The following SRGAP2B variants were observed in gnomAD, a reference collection of about 807,000 sequenced individuals.
SRGAP2B encodes SLIT-ROBO Rho GTPase activating protein 2B.
A neutral mutation model predicts 22.2 loss-of-function variants in SRGAP2B; 9 were observed. That is an observed-to-expected ratio of 0.41 (90% confidence interval 0.24 to 0.71). SRGAP2B has a LOEUF of 0.71. Ranked by LOEUF, SRGAP2B falls within the 30% of genes least tolerant of loss-of-function variation. The pLI, the probability that SRGAP2B is intolerant of heterozygous loss-of-function variation, is 0.35. For synonymous variants in SRGAP2B, 36 were observed against 87.4 expected (o/e 0.41, Z 3.28); for missense variants, 114 against 235.8 (o/e 0.48, Z 3.38).
chr1:144,966,132 T>C (rs1329086893), intron 3 of SRGAP2B, among the ~76,000 whole-genome samples: 1 of 147,750 alleles, frequency 6.8e-6, no homozygotes, highest in Non-Finnish European at 1.5e-5. Flanking sequence ...ATTCAGGAAA[T>C]ACAGAGAACG....
intron 3 of SRGAP2B, among the ~76,000 whole-genome samples, chr1:144,975,745 G>T (rs1358816534): frequency 6.7e-6 from 1 of 149,690 alleles, no homozygotes; most frequent in Non-Finnish European, 1.5e-5. Context: ...AGGAAAGAAA[G>T]AACTAGTCAG....
At chr1:145,088,416 A>C (rs587654194) in intron 2 of SRGAP2B, among the ~76,000 whole-genome samples, 1 of 136,232 alleles carries the variant, frequency 7.3e-6, no homozygotes, top group African/African-American at 2.8e-5. Context: ...TTTCGCTTCC[A>C]GCTCTGTGGT....
At chr1:144,975,352 T>A (rs1668817001) in intron 3 of SRGAP2B, among the ~76,000 whole-genome samples, 1 of 149,290 alleles carries the variant, frequency 6.7e-6, no homozygotes, top group Non-Finnish European at 1.5e-5. Flanking sequence ...CATGTTGAAA[T>A]TTGATTGCAA....
In SRGAP2B at chr1:144,971,674, G is replaced by A. The variant is rs587642042; in HGVS notation, c.261-16073C>T. Among the ~76,000 whole-genome samples the A allele has an allele frequency of 7.9e-5, 12 of 150,958 alleles. 1 individual carries two copies. Among genetic ancestry groups the A allele is most frequent in the African/African-American group, 3.0e-4 (12 of 40,460 alleles). ...ACTCAGTGAATCTTCTGTGCCTAAT[G>A]TAGCTGAGACTTTAAACGAAAGAAT... On this transcript the variant is annotated intron_variant, in intron 3 of 9. Transcript: ENST00000612199.
At chr1:145,068,957 A>G (rs1467034478) in intron 2 of SRGAP2B, among the ~76,000 whole-genome samples, 7 of 146,166 alleles carry the variant, frequency 4.8e-5, no homozygotes, top group African/African-American at 1.8e-4. Context: ...GTATGTGTAT[A>G]TATATATCTC....
chr1:144,912,095 C>A (rs1356272071), intron 5 of SRGAP2B, among the ~76,000 whole-genome samples: 1 of 148,674 alleles, frequency 6.7e-6, no homozygotes, highest in Admixed American at 6.6e-5. Context: ...GGACTACAGG[C>A]ACCCGCCACC....
At chr1:145,007,318 G>A (rs1471818312) in intron 2 of SRGAP2B, among the ~76,000 whole-genome samples, 1 of 149,682 alleles carries the variant, frequency 6.7e-6, no homozygotes, top group Non-Finnish European at 1.5e-5. Flanking sequence ...GGCCTCATGT[G>A]GTTGTCTGTC....
Position 145,006,307 on chromosome 1 carries a change from C to A in SRGAP2B, c.68-11107G>T, listed in dbSNP as rs1277835605. Among the ~76,000 whole-genome samples, 4 of 150,916 alleles carry A rather than the reference C, an allele frequency of 2.7e-5. No homozygotes were observed. The East Asian group carries it at 7.7e-4, about 29-fold the overall frequency. On this transcript the variant is annotated intron_variant, in intron 2 of 9. Coordinates refer to ENST00000612199, the Ensembl canonical transcript of SRGAP2B. ...GGACTGTTCAGAGATGCAGTAGCTT[C>A]ACATAGTTACATGAAGATGTCCCAC... is the stretch of plus-strand genomic sequence containing the variant.
intron 4 of SRGAP2B, among the ~76,000 whole-genome samples, chr1:144,943,598 C>A: frequency 1.9e-5 from 2 of 105,188 alleles, no homozygotes; most frequent in African/African-American, 8.5e-5. Flanking sequence ...GAAGAGAAGG[C>A]AGAGGGGAGA....
chr1:145,001,921 C>A (rs1288661883), intron 2 of SRGAP2B, among the ~76,000 whole-genome samples: 2 of 147,992 alleles, frequency 1.4e-5, no homozygotes, highest in Non-Finnish European at 3.0e-5. Context: ...ACTTGGGAGG[C>A]TGAGGTGGGA....
At chr1:144,902,711 G>A (rs1346827878) in intron 7 of SRGAP2B, among the ~76,000 whole-genome samples, 4 of 144,256 alleles carry the variant, frequency 2.8e-5, no homozygotes, top group Admixed American at 7.0e-5. Flanking sequence ...GCAGTGAGCC[G>A]AGATCGCACC....
At chr1:144,975,103 C>T (rs1325661818) in intron 3 of SRGAP2B, among the ~76,000 whole-genome samples, 1 of 149,360 alleles carries the variant, frequency 6.7e-6, no homozygotes, top group Non-Finnish European at 1.5e-5. Flanking sequence ...TCTGCTAAAG[C>T]CCTGACTTAA....
intron 2 of SRGAP2B, among the ~76,000 whole-genome samples, chr1:144,997,257 T>C (rs1553618610): frequency 6.6e-6 from 1 of 150,430 alleles, no homozygotes; most frequent in Non-Finnish European, 1.5e-5. Flanking sequence ...TGAAACCCTG[T>C]CTCTACTAAA....
At chr1:144,889,200 C>G (rs1387790316) in exon 10 of SRGAP2B, 8 of 149,340 alleles carry the variant, frequency 5.4e-5, no homozygotes, top group Non-Finnish European at 1.0e-4. Flanking sequence ...AGAGACCCAC[C>G]CGCCTCAGGC....
Position 144,970,739 on chromosome 1 carries a change from T to C in SRGAP2B, c.261-15138A>G, listed in dbSNP as rs1668448562. On this transcript the variant is annotated intron_variant, in intron 3 of 9. Coordinates refer to ENST00000612199, the Ensembl canonical transcript of SRGAP2B. ...TTACCAGTTGGTTCTTTATTAGTAC[T>C]CCTGATGTCTTAAACAAAAATGAAT... Among the ~76,000 whole-genome samples the C allele has an allele frequency of 4.0e-5, 6 of 149,446 alleles. No homozygotes were observed. The South Asian group carries it at 1.0e-3, about 26-fold the overall frequency.
At chr1:144,955,263 A>C (rs1219595342) in intron 4 of SRGAP2B, among the ~76,000 whole-genome samples, 176 bp downstream of exon 4, 4 of 146,892 alleles carry the variant, frequency 2.7e-5, no homozygotes, top group African/African-American at 1.0e-4. Flanking sequence ...TCCAACTTTT[A>C]TTTTAGGTTC....
chr1:144,912,338 C>T (rs1398880065), intron 5 of SRGAP2B, among the ~76,000 whole-genome samples: 4 of 149,700 alleles, frequency 2.7e-5, no homozygotes, highest in Admixed American at 1.3e-4. Flanking sequence ...CCAACTACTC[C>T]ACCCCCTAGG....
chr1:144,944,086 C>G (rs1423345391), intron 4 of SRGAP2B, among the ~76,000 whole-genome samples: 1 of 149,808 alleles, frequency 6.7e-6, no homozygotes, highest in African/African-American at 2.5e-5. Flanking sequence ...TAAAGCCAAG[C>G]CCCCACAAGA....
intron 4 of SRGAP2B, among the ~76,000 whole-genome samples, chr1:144,934,476 T>C (rs1320164387): frequency 6.9e-6 from 1 of 145,616 alleles, no homozygotes; most frequent in Non-Finnish European, 1.5e-5. Flanking sequence ...AAAAATGTGA[T>C]ATTTCCCCCC....
Sources: allele counts gnomAD v4.1 joint callset (sites outside exome capture counted in the v4.1 genomes callset), GRCh38; gene constraint gnomAD v4.1.1; transcripts MANE v1.5; gene names NCBI Gene and HGNC (gene_info 2026-07-23, HGNC 2026-07-21).